ZDHHC14: variants seen among roughly 807,000 people sequenced by gnomAD.
The protein encoded by ZDHHC14 is zDHHC palmitoyltransferase 14.
ZDHHC14 carries 16 observed loss-of-function variants against 47.7 expected under a neutral mutation model. The ratio of observed to expected loss-of-function variants is 0.34; its 90% CI spans 0.23 to 0.51. The LOEUF (loss-of-function observed/expected upper bound fraction) is 0.51, where lower values mean the gene tolerates loss of function less well. Ranked by LOEUF, ZDHHC14 falls within the 20% of genes least tolerant of loss-of-function variation. ZDHHC14 has a pLI of 0.97. For missense variants in ZDHHC14, 515 were observed against 662.5 expected (o/e 0.78, Z 2.44); for synonymous variants, 293 against 278.9 (o/e 1.05, Z -0.50).
chr6:157,453,639 G>T (rs1000539340), intron 1 of ZDHHC14, among the ~76,000 whole-genome samples: 3 of 152,194 alleles, frequency 2.0e-5, no homozygotes, highest in African/African-American at 7.2e-5. Context: ...TCATTCAGTA[G>T]GTATTTCTTG....
chr6:157,529,644 G>A (rs890499022), intron 1 of ZDHHC14, among the ~76,000 whole-genome samples: 1 of 152,216 alleles, frequency 6.6e-6, no homozygotes, highest in African/African-American at 2.4e-5. Context: ...GACTGGACAA[G>A]GCACCTTCAC....
chr6:157,399,493 T>A (rs1355151597), intron 1 of ZDHHC14, among the ~76,000 whole-genome samples: 1 of 152,256 alleles, frequency 6.6e-6, no homozygotes, highest in African/African-American at 2.4e-5. Flanking sequence ...AATTTGTGCC[T>A]TTTTGCTCAT....
intron 1 of ZDHHC14, among the ~76,000 whole-genome samples, chr6:157,521,936 C>T (rs780809723): frequency 2.6e-5 from 4 of 152,148 alleles, no homozygotes; most frequent in African/African-American, 4.8e-5. Context: ...CTTAGAAACT[C>T]GAAGGCCATC....
chr6:157,484,973 C>T (rs888432819), intron 1 of ZDHHC14, among the ~76,000 whole-genome samples: 1 of 152,098 alleles, frequency 6.6e-6, no homozygotes, highest in African/African-American at 2.4e-5. Flanking sequence ...TGGCACGTGC[C>T]TATAGTCCAG....
At chr6:157,433,386 G>A (rs544798913) in intron 1 of ZDHHC14, among the ~76,000 whole-genome samples, 12 of 152,238 alleles carry the variant, frequency 7.9e-5, no homozygotes, top group African/African-American at 2.2e-4. Flanking sequence ...AATGCTTTCC[G>A]TTTGCCTAAA....
intron 3 of ZDHHC14, among the ~76,000 whole-genome samples, chr6:157,627,710 G>A (rs1409933939): frequency 6.6e-6 from 1 of 152,214 alleles, no homozygotes; most frequent in Non-Finnish European, 1.5e-5. Flanking sequence ...CTTCTGAGCT[G>A]AATGGCCCCG....
intron 1 of ZDHHC14, among the ~76,000 whole-genome samples, chr6:157,455,171 C>T (rs74806770): frequency 0.22 from 33,539 of 152,106 alleles, 4,004 homozygotes; most frequent in African/African-American, 0.28. Flanking sequence ...CATTGCCTCC[C>T]GAAGTTCTTG....
rs1462380753 is a variant in ZDHHC14, at chr6:157,398,967, TTG to T, written c.245+16702_245+16703del. Among the ~76,000 whole-genome samples, 7 of 152,324 alleles carry T rather than the reference TTG, an allele frequency of 4.6e-5. No individual in the cohort carries two copies. The South Asian group carries it at 6.2e-4, about 14-fold the overall frequency. ...AGTCTCCAAAGAAAAATGATTTTAC[TTG>T]AAATGTCTGGTCGTATACATGGATC... is the stretch of plus-strand genomic sequence containing the variant. On this transcript the variant is annotated intron_variant, in intron 1 of 8. Coordinates refer to ENST00000359775, the MANE Select transcript of ZDHHC14 (RefSeq NM_024630.3).
intron 1 of ZDHHC14, among the ~76,000 whole-genome samples, chr6:157,533,192 T>G (rs1781426170): frequency 6.6e-6 from 1 of 152,216 alleles, no homozygotes. Context: ...AACTATGTGC[T>G]AGACTGAATT....
At chr6:157,542,367 G>A (rs550480111) in intron 1 of ZDHHC14, among the ~76,000 whole-genome samples, 5 of 152,166 alleles carry the variant, frequency 3.3e-5, no homozygotes, top group Admixed American at 1.3e-4. Flanking sequence ...GGGCTTGGGC[G>A]TCATACTGGG....
chr6:157,661,042 G>A (rs545157055), intron 8 of ZDHHC14, among the ~76,000 whole-genome samples: 3 of 152,232 alleles, frequency 2.0e-5, no homozygotes, highest in South Asian at 2.1e-4. Context: ...CTGAGAATTC[G>A]CCACCCAAAG....
intron 1 of ZDHHC14, among the ~76,000 whole-genome samples, chr6:157,491,867 A>G (rs1023380986): frequency 6.6e-6 from 1 of 152,254 alleles, no homozygotes; most frequent in Admixed American, 6.5e-5. Context: ...CAGCGATGCA[A>G]GCGTAATCCT....
intron 2 of ZDHHC14, among the ~76,000 whole-genome samples, chr6:157,562,406 G>A (rs534281224): frequency 1.3e-5 from 2 of 152,322 alleles, no homozygotes; most frequent in Admixed American, 6.5e-5. Context: ...TGAGCGTGGC[G>A]AGGGGTCTCT....
intron 3 of ZDHHC14, among the ~76,000 whole-genome samples, chr6:157,601,215 A>G (rs9505879): frequency 0.016 from 2,455 of 152,348 alleles, 59 homozygotes; most frequent in African/African-American, 0.055. Context: ...TTTCTTTAAC[A>G]TTATGTTAAA....
rs1241943512 is a variant in ZDHHC14, at chr6:157,586,096, C to T, written c.407-6892C>T. Among the ~76,000 whole-genome samples, 1 of 152,208 alleles carries T rather than the reference C, an allele frequency of 6.6e-6. No homozygotes were observed. Among genetic ancestry groups the T allele is most frequent in the Non-Finnish European group, 1.5e-5 (1 of 68,038 alleles). On this transcript the variant is annotated intron_variant, in intron 2 of 8. Transcript: ENST00000359775. This position sits in a 1 kb window ranked among gnomAD's most constrained non-coding sequence, Gnocchi z 4.6. ...GCAGGAAGATCTGGAAACAAATCCT[C>T]CTGACATCATCGGTACTGGGTCTTC...
chr6:157,546,413 A>T (rs1781974446), intron 2 of ZDHHC14, among the ~76,000 whole-genome samples: 1 of 152,140 alleles, frequency 6.6e-6, no homozygotes, highest in African/African-American at 2.4e-5. Flanking sequence ...CAGCCATCTG[A>T]GTAATTTATT....
chr6:157,510,413 A>G (rs1166323198), intron 1 of ZDHHC14, among the ~76,000 whole-genome samples: 1 of 152,132 alleles, frequency 6.6e-6, no homozygotes, highest in East Asian at 1.9e-4. Flanking sequence ...CTCTGCAGGC[A>G]GCCTTCCATG....
chr6:157,450,618 G>A (rs1275501892), intron 1 of ZDHHC14, among the ~76,000 whole-genome samples: 2 of 151,592 alleles, frequency 1.3e-5, no homozygotes, highest in Non-Finnish European at 1.5e-5. Context: ...TAACCAGCCC[G>A]TAAATGGATC....
chr6:157,636,223 T>C (rs1776968208), intron 5 of ZDHHC14, among the ~76,000 whole-genome samples: 1 of 120,076 alleles, frequency 8.3e-6, no homozygotes, highest in Admixed American at 8.0e-5. Context: ...CACACAGCGC[T>C]GTCTATCCTT....
Sources: allele counts gnomAD v4.1 joint callset (sites outside exome capture counted in the v4.1 genomes callset), GRCh38; gene constraint gnomAD v4.1.1; non-coding constraint Gnocchi (gnomAD v3.1); transcripts MANE v1.5; gene names NCBI Gene and HGNC (gene_info 2026-07-23, HGNC 2026-07-21).